The following MUL1 variants were observed in gnomAD, a reference collection of about 807,000 sequenced individuals.
The protein encoded by MUL1 is mitochondrial ubiquitin ligase activator of NFKB 1.
MUL1 carries 30 observed loss-of-function variants against 34.1 expected under a neutral mutation model. The ratio of observed to expected loss-of-function variants is 0.88; its 90% confidence interval spans 0.66 to 1.19. The LOEUF is 1.19. MUL1 is among the 50% of genes most tolerant of loss of function. The pLI is 0.00. For missense variants in MUL1, 419 were observed against 450.5 expected (o/e 0.93, Z 0.63); for synonymous variants, 191 against 187.8 (o/e 1.02, Z -0.14).
rs2051641409 is a variant in MUL1, at chr1:20,500,369, G to A, written c.*321C>T. The A allele has an allele frequency of 4.5e-6, 1 of 221,734 alleles. No individual in the cohort carries two copies. Among genetic ancestry groups the A allele is most frequent in the African/African-American group, 2.3e-5 (1 of 44,150 alleles). The allele number at this position is 221,734 out of a possible 1,614,324, so 13.7% of individuals were successfully genotyped here. On this transcript the variant is annotated 3_prime_UTR_variant, in exon 4 of 4. Coordinates refer to ENST00000264198, the MANE Select transcript of MUL1 (RefSeq NM_024544.3). ...AAGACACAGGAACAGAAGAGCTGCT[G>A]ATCACTGGCTTTGGTGCTTAAGTGA...
Position 20,502,060 on chromosome 1 carries a change from G to A in MUL1, c.329+9C>T, listed in dbSNP as rs202089024. Reference sequence around the variant, plus strand: ...CAAGGGTTTTGGCCAGTGGAGAAGTGATACATACCAAAGGTGGGTGGTTCG... The same window carrying A: ...CAAGGGTTTTGGCCAGTGGAGAAGTAATACATACCAAAGGTGGGTGGTTCG... On this transcript the variant is annotated intron_variant, in intron 3 of 3. Coordinates refer to ENST00000264198, the MANE Select transcript of MUL1 (RefSeq NM_024544.3). The A allele has an allele frequency of 9.2e-4, 1,489 of 1,613,004 alleles. 1 individual carries two copies. The highest frequency in any genetic ancestry group is 1.2e-3 in the Non-Finnish European group (1,372 of 1,179,916).
In MUL1 at chr1:20,501,954, G is replaced by T; in HGVS notation, c.329+115C>A. 2.2e-6 allele frequency: 3 copies of T among 1,335,358 alleles called. No homozygotes were observed. Among genetic ancestry groups the T allele is most frequent in the South Asian group, 1.3e-5 (1 of 78,084 alleles). 82.7% of individuals were successfully genotyped at this position (1,335,358 alleles called of 1,614,324 possible). ...CACAAGAATATGACCTGCATTAAGA[G>T]ACTGGGCTTCAACCTGTCTCAGGAG... On this transcript the variant is annotated intron_variant, in intron 3 of 3. Transcript: ENST00000264198. This position sits in a 1 kb window ranked among gnomAD's most constrained non-coding sequence, Gnocchi z 4.2.
chr1:20,507,171 C>A (rs368165544), intron 1 of MUL1, among the ~76,000 whole-genome samples: 1 of 151,042 alleles, frequency 6.6e-6, no homozygotes, highest in Non-Finnish European at 1.5e-5. Context: ...AGCCCAGATC[C>A]CGCCACTGCA....
rs776763974 is a variant in MUL1 at position 20,501,340 on chromosome 1, C to T, written c.409G>A (p.Val137Met). ...AGGGGCTTCAGCACTCGCACAGCCA[C>T]ATCCACGCCATCCTCGTGGGGCACC... ...DLVPHEDGVD[V>M]AVRVLKPLDS... The change falls in exon 4 of 4, where the codon GTG (valine) becomes ATG (methionine). Residue 137 changes from valine (V) to methionine (M), a missense_variant. Physicochemically the swap from Val to Met is conservative, Grantham distance 21. Transcript: ENST00000264198. This position sits in a 1 kb window ranked among gnomAD's most constrained non-coding sequence, Gnocchi z 4.2. 4.3e-5 allele frequency: 69 copies of T among 1,614,100 alleles called. No individual in the cohort carries two copies. The highest frequency in any genetic ancestry group is 5.7e-5 in the Non-Finnish European group (67 of 1,180,052).
In MUL1 at chr1:20,508,055, G is replaced by A. The variant is rs112053321; in HGVS notation, c.-31C>T. The A allele has an allele frequency of 4.5e-4, 711 of 1,571,910 alleles. 6 individuals carry two copies. The African/African-American group carries it at 8.3e-3, about 18-fold the overall frequency. On this transcript the variant is annotated 5_prime_UTR_variant, in exon 1 of 4. Transcript: ENST00000264198. ...CGGCGAGCCCCGGTGGCCGACTGTG[G>A]CGCCAAGGATAGGCCTGGTGACCCC... is the stretch of plus-strand genomic sequence containing the variant.
Position 20,501,410 on chromosome 1 carries a change from G to C in MUL1, c.339C>G (p.Cys113Trp). 3 of 1,611,870 alleles carry C rather than the reference G, an allele frequency of 1.9e-6. No individual in the cohort carries two copies. Among genetic ancestry groups the C allele is most frequent in the Non-Finnish European group, 2.5e-6 (3 of 1,178,572 alleles). The change falls in exon 4 of 4, where the codon TGC (cysteine) becomes TGG (tryptophan). Residue 113 changes from cysteine (C) to tryptophan (W), a missense_variant. Physicochemically the swap from Cys to Trp is radical, Grantham distance 215. Transcript: ENST00000264198. This position sits in a 1 kb window ranked among gnomAD's most constrained non-coding sequence, Gnocchi z 4.2. ...WNRTTHLWND[C>W]SKIIHQRTNT... is the part of the protein sequence containing the mutation. ...TGGTCCTCTGATGAATGATCTTTGA[G>C]CAATCATTCCTAGAAGAATAAGAGA...
In MUL1 at chr1:20,507,989, G is replaced by T. The variant is rs778033038; in HGVS notation, c.36C>A (p.Phe12Leu). Residue 12 changes from phenylalanine (F) to leucine (L), a missense_variant, in exon 1 of 4, where the codon TTC (phenylalanine) becomes TTA (leucine). Transcript: ENST00000264198. ...CCACAGAGGTGGTGCCCAGGAGGAT[G>T]AACTGGCACAGCGAGGGCCGCCCTC... The part of the protein sequence containing the change: ...ESGGRPSLCQ[F>L]ILLGTTSVVT... 3 of 1,591,098 alleles carry T rather than the reference G, an allele frequency of 1.9e-6. No homozygotes were observed. Among genetic ancestry groups the T allele is most frequent in the Non-Finnish European group, 2.6e-6 (3 of 1,170,108 alleles).
intron 1 of MUL1, among the ~76,000 whole-genome samples, chr1:20,505,415 C>G (rs536569728): frequency 1.5e-4 from 23 of 151,690 alleles, no homozygotes; most frequent in African/African-American, 5.6e-4. Flanking sequence ...AAGACCCCAT[C>G]TCTATGAAAA....
rs1213220088 is a variant in MUL1 at position 20,500,531 on chromosome 1, T to C, written c.*159A>G. 3 of 927,706 alleles carry C rather than the reference T, an allele frequency of 3.2e-6. No individual in the cohort carries two copies. Among genetic ancestry groups the C allele is most frequent in the Non-Finnish European group, 4.7e-6 (3 of 634,370 alleles). 57.5% of individuals were successfully genotyped at this position (927,706 alleles called of 1,614,324 possible). On this transcript the variant is annotated 3_prime_UTR_variant, in exon 4 of 4. Transcript: ENST00000264198. ...GGTGGGAAAGGCAGCATCCTGCCAT[T>C]GGAGGCATGGGTCTGGAGAGTTTCT...
chr1:20,500,449 G>A lies in MUL1; in HGVS notation c.*241C>T, dbSNP rs963078251. ...TCTGGCTCCTGGGAGGAGACGCCAC[G>A]GCATCCTCCCAGGGTGAGGCTCTGA... On this transcript the variant is annotated 3_prime_UTR_variant, in exon 4 of 4. Coordinates refer to ENST00000264198, the MANE Select transcript of MUL1 (RefSeq NM_024544.3). 30 of 450,432 alleles carry A rather than the reference G, an allele frequency of 6.7e-5. No homozygotes were observed. The Admixed American group carries it at 8.5e-4, about 13-fold the overall frequency. 27.9% of individuals were successfully genotyped at this position (450,432 alleles called of 1,614,324 possible).
In MUL1 at chr1:20,507,917, G is replaced by A. The variant is rs758362649; in HGVS notation, c.108C>T (p.Ser36=). ...CTCCAGCACTGACCTTGAGCTCTTG[G>A]GAGACCCGGGCCTTCTGCCGGTACA... ...YSVYRQKARV[S]QELKGAKKVH... is the part of the protein sequence containing the mutation. The change falls in exon 1 of 4, where the codon TCC becomes TCT. Residue 36 remains serine, a synonymous_variant. Transcript: ENST00000264198. 1 of 1,596,888 alleles carries A rather than the reference G, an allele frequency of 6.3e-7. No homozygotes were observed. Among genetic ancestry groups the A allele is most frequent in the Non-Finnish European group, 8.5e-7 (1 of 1,172,622 alleles).
rs1477042248 is a variant in MUL1, at chr1:20,500,324, G to A, written c.*366C>T. On this transcript the variant is annotated 3_prime_UTR_variant, in exon 4 of 4. Transcript: ENST00000264198. ...CTCCACCAAGTCCACAGCAAGCAAC[G>A]ATTCACCAGAAAAAAACAGAAGACA... 3 of 171,794 alleles carry A rather than the reference G, an allele frequency of 1.7e-5. No homozygotes were observed. Among genetic ancestry groups the A allele is most frequent in the South Asian group, 1.8e-4 (1 of 5,408 alleles). 10.6% of individuals were successfully genotyped at this position (171,794 alleles called of 1,614,324 possible).
chr1:20,504,145 C>T (rs552913280), intron 1 of MUL1, among the ~76,000 whole-genome samples: 36 of 152,252 alleles, frequency 2.4e-4, no homozygotes, highest in African/African-American at 7.7e-4. Flanking sequence ...GCTGGGATTA[C>T]GGGTGTGAGC....
intron 1 of MUL1, 98 bp downstream of exon 1, chr1:20,507,807 A>G: frequency 1.4e-6 from 2 of 1,473,104 alleles, no homozygotes; most frequent in East Asian, 5.0e-5. Flanking sequence ...CCTTTTTTGG[A>G]CAGTTTCCGA....
In MUL1 at chr1:20,507,935, C is replaced by T. The variant is rs1276117462; in HGVS notation, c.90G>A (p.Arg30=). Residue 30 remains arginine, a synonymous_variant, in exon 1 of 4, where the codon CGG becomes CGA. Coordinates refer to ENST00000264198, the MANE Select transcript of MUL1 (RefSeq NM_024544.3). ...GCTCTTGGGAGACCCGGGCCTTCTG[C>T]CGGTACACGGAGTACAGGGCGGCGG... ...VVTAALYSVY[R]QKARVSQELK... 1 of 1,596,796 alleles carries T rather than the reference C, an allele frequency of 6.3e-7. No homozygotes were observed. Among genetic ancestry groups the T allele is most frequent in the Non-Finnish European group, 8.5e-7 (1 of 1,172,552 alleles).
chr1:20,502,358 G>A (rs964324788), intron 2 of MUL1, among the ~76,000 whole-genome samples, 169 bp from the exon 3 acceptor site: 1 of 152,168 alleles, frequency 6.6e-6, no homozygotes, highest in Non-Finnish European at 1.5e-5. Context: ...AGACCAGCCT[G>A]GTTAACACAG....
intron 1 of MUL1, among the ~76,000 whole-genome samples, chr1:20,505,658 AG>A (rs2051707463): frequency 1.3e-5 from 2 of 151,442 alleles, no homozygotes; most frequent in Non-Finnish European, 2.9e-5. Flanking sequence ...ACAGGAAGGA[AG>A]GCCAAAGAGA....
intron 1 of MUL1, among the ~76,000 whole-genome samples, chr1:20,506,575 C>T (rs960188917): frequency 6.6e-6 from 1 of 152,158 alleles, no homozygotes; most frequent in African/African-American, 2.4e-5. Context: ...GTGGGCCAGG[C>T]GCAGTGGCTC....
chr1:20,502,675 G>T (rs1306446872), intron 2 of MUL1, among the ~76,000 whole-genome samples: 1 of 151,968 alleles, frequency 6.6e-6, no homozygotes, highest in Non-Finnish European at 1.5e-5. Flanking sequence ...CTGGGATTAC[G>T]GGTATGTGCC....
Sources: gnomAD v4.1 joint callset for allele counts (sites outside exome capture counted in the v4.1 genomes callset) on GRCh38, gnomAD v4.1.1 for gene constraint, Gnocchi (gnomAD v3.1) non-coding constraint, MANE v1.5 for transcripts, NCBI Gene and HGNC (gene_info 2026-07-23, HGNC 2026-07-21) for gene names.